The following ITPR3 variants were observed in gnomAD, a reference collection of about 807,000 sequenced individuals.
ITPR3 encodes the protein inositol 1,4,5-trisphosphate-gated calcium channel ITPR3.
In ITPR3, 173 loss-of-function variants were observed where a neutral mutation model predicts 293.2. The ratio of observed to expected loss-of-function variants is 0.59; its 90% CI spans 0.52 to 0.67. The LOEUF is 0.67. Among genes scored for constraint, ITPR3 ranks in the 30% least tolerant of loss-of-function variants. The pLI, the probability that ITPR3 is intolerant of heterozygous loss-of-function variation, is 0.00. For synonymous variants in ITPR3, 1,295 were observed against 1,444.4 expected, an observed-to-expected ratio of 0.90 and a Z score of 2.35; for missense variants, 2,796 against 3,592.1, an observed-to-expected ratio of 0.78 and a Z score of 5.66.
In ITPR3 at chr6:33,654,010, G is replaced by A. The variant is rs1200546964; in HGVS notation, c.161-1756G>A. On this transcript the variant is annotated intron_variant, in intron 2 of 57. Transcript: ENST00000605930. This position sits in a 1 kb window ranked among gnomAD's most constrained non-coding sequence, Gnocchi z 4.1. Reference sequence around the variant, plus strand: ...CTGCCGGGCGTGGTGGCTCACGCCTGTAATCCCAGCACTTTTGTAGGCCGA... The same window carrying A: ...CTGCCGGGCGTGGTGGCTCACGCCTATAATCCCAGCACTTTTGTAGGCCGA... Among the ~76,000 whole-genome samples, 1 of 152,218 alleles carries A rather than the reference G, an allele frequency of 6.6e-6. No individual in the cohort carries two copies. The highest frequency in any genetic ancestry group is 1.5e-5 in the Non-Finnish European group (1 of 68,042).
chr6:33,642,280 G>A (rs780405481), intron 2 of ITPR3, among the ~76,000 whole-genome samples: 9 of 152,246 alleles, frequency 5.9e-5, no homozygotes, highest in Middle Eastern at 3.4e-3. Flanking sequence ...AAGGATGGAC[G>A]GGTAGAGAAA....
At chr6:33,695,552 T>C in intron 57 of ITPR3, 160 bp from the exon 58 acceptor site, 1 of 674,894 alleles carries the variant, frequency 1.5e-6, no homozygotes, top group South Asian at 1.7e-5. Flanking sequence ...GGTGCTGACA[T>C]CGACATCCTT....
rs767066466 is a variant in ITPR3, at chr6:33,685,460, G to A, written c.5409G>A (p.Thr1803=). The A allele has an allele frequency of 3.5e-5, 57 of 1,613,842 alleles. No individual in the cohort carries two copies. The highest frequency in any genetic ancestry group is 1.1e-5 in the Non-Finnish European group (13 of 1,179,978). Reference sequence around the variant, plus strand: ...GGGCCCAGCAGGAGACCAAGTCCACGGTGGCAGTCAACATGAATGACCTGG... The same window carrying A: ...GGGCCCAGCAGGAGACCAAGTCCACAGTGGCAGTCAACATGAATGACCTGG... ...MKRAQQETKS[T]VAVNMNDLGS... The change falls in exon 40 of 58, where the codon ACG becomes ACA. Residue 1803 remains threonine (T), a synonymous_variant. Coordinates refer to ENST00000605930, the MANE Select transcript of ITPR3 (RefSeq NM_002224.4).
In ITPR3 at chr6:33,670,447, T is replaced by C. The variant is rs1313767621; in HGVS notation, c.2312T>C (p.Phe771Ser). 6.2e-7 allele frequency: 1 copy of C among 1,614,044 alleles called. No individual in the cohort carries two copies. Among genetic ancestry groups the C allele is most frequent in the Non-Finnish European group, 8.5e-7 (1 of 1,180,032 alleles). Residue 771 changes from phenylalanine to serine, a missense_variant, in exon 19 of 58, where the codon TTT becomes TCT. This residue lies in a region of ITPR3 where 955 missense variants were observed against 1,180.8 expected (regional missense o/e 0.81). Coordinates refer to ENST00000605930, the MANE Select transcript of ITPR3 (RefSeq NM_002224.4). This position sits in a 1 kb window ranked among gnomAD's most constrained non-coding sequence, Gnocchi z 6.7. ...FLCMADEMLP[F>S]DLRASFCHLM... is the part of the protein sequence containing the mutation. ...TGCATGGCAGACGAGATGCTGCCCTTTGACCTGCGCGCCTCCTTCTGCCAC... is the reference window on the plus strand; with the variant it reads ...TGCATGGCAGACGAGATGCTGCCCTCTGACCTGCGCGCCTCCTTCTGCCAC...
chr6:33,659,495 G>A lies in ITPR3; in HGVS notation c.657G>A (p.Trp219Ter). 1 of 1,614,142 alleles carries A rather than the reference G, an allele frequency of 6.2e-7. No individual in the cohort carries two copies. The highest frequency in any genetic ancestry group is 8.5e-7 in the Non-Finnish European group (1 of 1,180,012). ...ATTCTGTGAACTGCAACACCAGCTG[G>A]AAGATCAACCTGTTTATGCAGTTTC... ...EVNSVNCNTS[W>*]KINLFMQFRD... Residue 219 changes from tryptophan (W) to a stop codon, truncating the protein, a stop_gained, in exon 7 of 58, where the codon TGG (tryptophan) becomes TGA (stop). Transcript: ENST00000605930. LOFTEE classifies it high-confidence loss of function.
chr6:33,621,780 C>A lies in ITPR3; in HGVS notation c.89+89C>A. On this transcript the variant is annotated intron_variant, in intron 1 of 57. Transcript: ENST00000605930. This position sits in a 1 kb window ranked among gnomAD's most constrained non-coding sequence, Gnocchi z 7.7. ...CTGCGTGCGTCCAGCCGCCGCCCCC[C>A]GATAGAGGCCTGGACGTCCCCCTAG... The A allele has an allele frequency of 1.1e-6, 1 of 939,212 alleles. No homozygotes were observed. The highest frequency in any genetic ancestry group is 1.7e-6 in the Non-Finnish European group (1 of 599,890). 58.2% of individuals were successfully genotyped at this position (939,212 alleles called of 1,614,324 possible).
In ITPR3 at chr6:33,684,015, C is replaced by T. The variant is rs747251758; in HGVS notation, c.4789-5C>T. On this transcript the variant is annotated splice_polypyrimidine_tract_variant and splice_region_variant and intron_variant, in intron 35 of 57. Coordinates refer to ENST00000605930, the MANE Select transcript of ITPR3 (RefSeq NM_002224.4). This position sits in a 1 kb window ranked among gnomAD's most constrained non-coding sequence, Gnocchi z 4.2. ...CTGGCAATGACTCTGCCCTGCCCAC[C>T]CCAGGACATCATCACAGCCCTGGAG... 4 of 1,600,318 alleles carry T rather than the reference C, an allele frequency of 2.5e-6. No individual in the cohort carries two copies. In the South Asian group the frequency reaches 4.4e-5, roughly 18 times the overall value.
intron 43 of ITPR3, among the ~76,000 whole-genome samples, chr6:33,686,749 G>A (rs1765242871): frequency 6.6e-6 from 1 of 152,178 alleles, no homozygotes; most frequent in African/African-American, 2.4e-5. Context: ...AATATATTCT[G>A]GTTTAGCTGA....
chr6:33,654,832 C>A lies in ITPR3; in HGVS notation c.161-934C>A, dbSNP rs1764269456. Among the ~76,000 whole-genome samples, 2 of 152,148 alleles carry A rather than the reference C, an allele frequency of 1.3e-5. No individual in the cohort carries two copies. On this transcript the variant is annotated intron_variant, in intron 2 of 57. Coordinates refer to ENST00000605930, the MANE Select transcript of ITPR3 (RefSeq NM_002224.4). The surrounding 1 kb of genome is among the most constrained non-coding windows in gnomAD (Gnocchi z 4.1). Reference sequence around the variant, plus strand: ...GATGGGGAGCTCACTGCTTCCCAGCCCAGCCCAGGCTATTGTCACACAGGC... The same window carrying A: ...GATGGGGAGCTCACTGCTTCCCAGCACAGCCCAGGCTATTGTCACACAGGC...
chr6:33,671,890 T>A (rs1764777427), intron 21 of ITPR3, 139 bp from the exon 22 acceptor site: 3 of 831,976 alleles, frequency 3.6e-6, no homozygotes, highest in African/African-American at 1.7e-5. Context: ...GGGTTAGCCC[T>A]GTCCCTTCCT....
intron 1 of ITPR3, among the ~76,000 whole-genome samples, chr6:33,627,323 C>T (rs868463271): frequency 3.3e-5 from 5 of 152,142 alleles, no homozygotes; most frequent in African/African-American, 1.2e-4. Context: ...TGAACATTCC[C>T]TATGACCTTC....
chr6:33,655,688 C>A lies in ITPR3; in HGVS notation c.161-78C>A. 2 of 1,582,130 alleles carry A rather than the reference C, an allele frequency of 1.3e-6. No individual in the cohort carries two copies. The highest frequency in any genetic ancestry group is 1.7e-6 in the Non-Finnish European group (2 of 1,157,702). ...GGGAAGGGTTGGGAGAGAAGAGCTGCAGGCTGGGGTTTTCTCCAGGGAGGG... is the reference window on the plus strand; with the variant it reads ...GGGAAGGGTTGGGAGAGAAGAGCTGAAGGCTGGGGTTTTCTCCAGGGAGGG... On this transcript the variant is annotated intron_variant, in intron 2 of 57. Coordinates refer to ENST00000605930, the MANE Select transcript of ITPR3 (RefSeq NM_002224.4). This position sits in a 1 kb window ranked among gnomAD's most constrained non-coding sequence, Gnocchi z 4.9.
At chr6:33,665,559 C>T (rs1015722441) in intron 13 of ITPR3, among the ~76,000 whole-genome samples, 5 of 151,786 alleles carry the variant, frequency 3.3e-5, no homozygotes, top group African/African-American at 4.8e-5. Flanking sequence ...CCAGACTCCC[C>T]GCCTTGTGCC....
chr6:33,688,836 T>C (rs1235130331), intron 49 of ITPR3, 55 bp downstream of exon 49: 7 of 1,612,332 alleles, frequency 4.3e-6, no homozygotes, highest in Non-Finnish European at 5.9e-6. Flanking sequence ...GCTTCCTCCC[T>C]GGGTTGGGGC....
intron 49 of ITPR3, 98 bp downstream of exon 49, chr6:33,688,879 C>A: frequency 6.7e-7 from 1 of 1,492,770 alleles, no homozygotes; most frequent in South Asian, 1.2e-5. Context: ...TCTGAGGGCA[C>A]CAGATGCAGA....
At chr6:33,694,721 CAGAGGGTTGACA>C (rs1193407262) in intron 56 of ITPR3, 191 bp from the exon 57 acceptor site, 18 of 550,200 alleles carry the variant, frequency 3.3e-5, no homozygotes, top group South Asian at 2.0e-4. Flanking sequence ...GTCTCGGTGG[CAGAGGGTTGACA>C]AGAGGGTTGA....
intron 2 of ITPR3, among the ~76,000 whole-genome samples, chr6:33,652,873 A>G (rs541957215): frequency 6.6e-6 from 1 of 152,184 alleles, no homozygotes; most frequent in Non-Finnish European, 1.5e-5. Context: ...TCAGTGTGAC[A>G]AAAAAGAGAA....
Position 33,684,670 on chromosome 6 carries a change from C to T in ITPR3, c.5119C>T (p.Pro1707Ser). The T allele has an allele frequency of 6.2e-7, 1 of 1,614,086 alleles. No individual in the cohort carries two copies. The highest frequency in any genetic ancestry group is 8.5e-7 in the Non-Finnish European group (1 of 1,180,012). Reference protein sequence around the residue: ...NRKSTSRGDLPDPIGTGLDPD... With the variant: ...NRKSTSRGDLSDPIGTGLDPD... ...GAAGTCCACCTCGCGGGGGGACCTT[C>T]CCGACCCCATAGGCACTGGTCAGTA... The change falls in exon 38 of 58, where the codon CCC becomes TCC. Residue 1707 changes from proline (P) to serine (S), a missense_variant. Pro to Ser is a moderately conservative substitution (Grantham distance 74). Coordinates refer to ENST00000605930, the MANE Select transcript of ITPR3 (RefSeq NM_002224.4). The surrounding 1 kb of genome is among the most constrained non-coding windows in gnomAD (Gnocchi z 4.2).
In ITPR3 at chr6:33,680,658, C is replaced by T; in HGVS notation, c.4454C>T (p.Ser1485Phe). 1.2e-6 allele frequency: 2 copies of T among 1,614,042 alleles called. No individual in the cohort carries two copies. Among genetic ancestry groups the T allele is most frequent in the South Asian group, 2.2e-5 (2 of 91,082 alleles). ...TINAFFSSPF[S>F]ENSTSLQTHQ... ...AACGCCTTCTTCAGCTCCCCATTCTCTGAGAACAGCACTTCCCTGCAGGTG... is the reference window on the plus strand; with the variant it reads ...AACGCCTTCTTCAGCTCCCCATTCTTTGAGAACAGCACTTCCCTGCAGGTG... The change falls in exon 33 of 58, where the codon TCT becomes TTT. Residue 1485 changes from serine (S) to phenylalanine (F), a missense_variant. Transcript: ENST00000605930.
Sources: allele counts gnomAD v4.1 joint callset (sites outside exome capture counted in the v4.1 genomes callset), GRCh38; gene constraint gnomAD v4.1.1; regional missense constraint gnomAD v4.1.1; non-coding constraint Gnocchi (gnomAD v3.1); transcripts MANE v1.5; gene names NCBI Gene and HGNC (gene_info 2026-07-23, HGNC 2026-07-21).